Variants in PRR16 observed in about 807,000 individuals in gnomAD.
PRR16 encodes proline rich 16.
In PRR16, 6 loss-of-function variants were observed where a neutral mutation model predicts 18.2. The ratio of observed to expected loss-of-function variants is 0.33; its 90% CI spans 0.18 to 0.65. The LOEUF (loss-of-function observed/expected upper bound fraction) is 0.65, where lower values mean the gene tolerates loss of function less well. Ranked by LOEUF, PRR16 falls within the 30% of genes least tolerant of loss-of-function variation. The pLI is 0.74. For synonymous variants in PRR16, 151 were observed against 147.8 expected, an observed-to-expected ratio of 1.02 and a Z score of -0.16; for missense variants, 412 against 376.6, an observed-to-expected ratio of 1.09 and a Z score of -0.78.
intron 1 of PRR16, among the ~76,000 whole-genome samples, chr5:120,593,501 A>G (rs1299798660): frequency 2.1e-5 from 3 of 144,180 alleles, no homozygotes; most frequent in South Asian, 4.6e-4. Flanking sequence ...AAACTGAATC[A>G]GTAATAAATA....
At chr5:120,614,907 T>C (rs1381687638) in intron 1 of PRR16, among the ~76,000 whole-genome samples, 1 of 152,186 alleles carries the variant, frequency 6.6e-6, no homozygotes, top group Non-Finnish European at 1.5e-5. Context: ...TGCTGCTGTA[T>C]TGCCCGGAGA....
chr5:120,571,158 A>T (rs1324105129), intron 1 of PRR16, among the ~76,000 whole-genome samples: 1 of 152,200 alleles, frequency 6.6e-6, no homozygotes, highest in Non-Finnish European at 1.5e-5. Flanking sequence ...GTAAAAACTT[A>T]TAAAACTAAT....
the PRR16 span, among the ~76,000 whole-genome samples, chr5:120,717,803 A>G: frequency 6.6e-6 from 1 of 152,190 alleles, no homozygotes; most frequent in Non-Finnish European, 1.5e-5. Context: ...GAGACTGTTA[A>G]TTAAATTTGA....
intron 1 of PRR16, among the ~76,000 whole-genome samples, chr5:120,521,916 G>A (rs1438178261): frequency 6.6e-6 from 1 of 152,132 alleles, no homozygotes; most frequent in African/African-American, 2.4e-5. Flanking sequence ...GTGAGAACAT[G>A]TGGTGTTTGG....
the PRR16 span, among the ~76,000 whole-genome samples, chr5:120,767,496 G>A: frequency 6.6e-6 from 1 of 151,784 alleles, no homozygotes; most frequent in Non-Finnish European, 1.5e-5. Flanking sequence ...CATAAGTGAA[G>A]GGTTACAAAT....
the PRR16 span, among the ~76,000 whole-genome samples, chr5:120,731,960 T>TGGAA: frequency 6.6e-6 from 1 of 152,198 alleles, no homozygotes; most frequent in African/African-American, 2.4e-5. Context: ...AGACTGGTGC[T>TGGAA]GGTAGCCCTA....
intron 1 of PRR16, among the ~76,000 whole-genome samples, chr5:120,516,192 G>T (rs1290383337): frequency 6.6e-6 from 1 of 152,244 alleles, no homozygotes; most frequent in South Asian, 2.1e-4. Context: ...GGGAGGTGGA[G>T]GTGGGAGGAT....
intron 1 of PRR16, among the ~76,000 whole-genome samples, chr5:120,559,526 T>A (rs1275252489): frequency 6.6e-6 from 1 of 151,984 alleles, no homozygotes; most frequent in Non-Finnish European, 1.5e-5. Flanking sequence ...TGCCTGTTTT[T>A]ATGTTAGTAC....
chr5:120,589,591 A>G (rs556355014), intron 1 of PRR16, among the ~76,000 whole-genome samples: 1 of 152,162 alleles, frequency 6.6e-6, no homozygotes, highest in East Asian at 1.9e-4. Flanking sequence ...ATGGCTGGGG[A>G]GGCCTCAGAA....
rs138613921 is a variant in PRR16, at chr5:120,516,166, G to A, written c.159+51521G>A. ...AAGCTGGTCGTGGTGGTTTATGCCC[G>A]TAATCTCAGCACTTTGGGAGGTGGA... On this transcript the variant is annotated intron_variant, in intron 1 of 1. Transcript: ENST00000407149. 7.9e-4 allele frequency among the ~76,000 whole-genome samples: 121 copies of A among 152,202 alleles called. 1 individual carries two copies. The highest frequency in any genetic ancestry group is 2.8e-3 in the African/African-American group (116 of 41,526).
intron 1 of PRR16, among the ~76,000 whole-genome samples, chr5:120,552,519 A>G (rs1052796680): frequency 3.3e-5 from 5 of 151,974 alleles, no homozygotes; most frequent in African/African-American, 1.2e-4. Flanking sequence ...CTTGCAAATA[A>G]GAATATATTT....
chr5:120,636,132 A>G (rs1755219558), intron 1 of PRR16, among the ~76,000 whole-genome samples: 1 of 152,204 alleles, frequency 6.6e-6, no homozygotes, highest in Non-Finnish European at 1.5e-5. Flanking sequence ...CATAGATGAC[A>G]CAAACAAATG....
the PRR16 span, among the ~76,000 whole-genome samples, chr5:120,786,553 T>C: frequency 6.7e-6 from 1 of 148,658 alleles, no homozygotes; most frequent in South Asian, 2.1e-4. Context: ...AAATTAAGTA[T>C]CATATATTTT....
At chr5:120,523,602 T>C (rs1751257024) in intron 1 of PRR16, among the ~76,000 whole-genome samples, 1 of 152,202 alleles carries the variant, frequency 6.6e-6, no homozygotes, top group Non-Finnish European at 1.5e-5. Context: ...ATTTAATTTT[T>C]ATTTTCAAGT....
chr5:120,671,770 T>C (rs921055245), intron 1 of PRR16, among the ~76,000 whole-genome samples: 1 of 152,166 alleles, frequency 6.6e-6, no homozygotes, highest in African/African-American at 2.4e-5. Context: ...CACGTGAATC[T>C]TCTCTCTATG....
At chr5:120,491,264 A>G (rs1238159321) in intron 1 of PRR16, among the ~76,000 whole-genome samples, 2 of 152,286 alleles carry the variant, frequency 1.3e-5, no homozygotes, top group East Asian at 3.9e-4. Context: ...CTGGAAAAGA[A>G]TGGAAAATAA....
At chr5:120,503,485 A>T (rs528465114) in intron 1 of PRR16, among the ~76,000 whole-genome samples, 7 of 152,192 alleles carry the variant, frequency 4.6e-5, no homozygotes, top group Non-Finnish European at 8.8e-5. Context: ...TTATGTAAAT[A>T]TGGAATTTTT....
chr5:120,769,960 G>T, the PRR16 span, among the ~76,000 whole-genome samples: 1 of 151,850 alleles, frequency 6.6e-6, no homozygotes, highest in East Asian at 1.9e-4. Context: ...TTGATAATGA[G>T]GTTGAGCGTC....
the PRR16 span, among the ~76,000 whole-genome samples, chr5:120,735,032 C>T: frequency 1.3e-5 from 2 of 152,148 alleles, no homozygotes; most frequent in African/African-American, 4.8e-5. Context: ...CATCATTACC[C>T]TAGCTTATGA....
Sources: allele counts gnomAD v4.1 joint callset (sites outside exome capture counted in the v4.1 genomes callset), GRCh38; gene constraint gnomAD v4.1.1; transcripts MANE v1.5; gene names NCBI Gene and HGNC (gene_info 2026-07-23, HGNC 2026-07-21).